Variants in HSP90AB1 observed in about 807,000 individuals in gnomAD.
The protein encoded by HSP90AB1 is heat shock protein HSP 90-beta.
A neutral mutation model predicts 67.8 loss-of-function variants in HSP90AB1; 17 were observed. The observed-to-expected ratio is 0.25, with a 90% CI of 0.17 to 0.38. The LOEUF (loss-of-function observed/expected upper bound fraction) is 0.38. Among genes scored for constraint, HSP90AB1 ranks in the 10% least tolerant of loss-of-function variants. The pLI is 1.00. For synonymous variants in HSP90AB1, 390 were observed against 312.9 expected, an observed-to-expected ratio of 1.25 and a Z score of -2.60; for missense variants, 690 against 899.9, an observed-to-expected ratio of 0.77 and a Z score of 2.98.
In HSP90AB1 at chr6:44,249,727, C is replaced by T; in HGVS notation, c.407C>T (p.Ala136Val). Residue 136 changes from alanine to valine, a missense_variant, in exon 4 of 12, where the codon GCC becomes GTC. Ala to Val is a moderately conservative substitution (Grantham distance 64). Around this residue, in one of 7 missense-constraint regions of HSP90AB1, gnomAD observed 88 missense variants for 167.7 expected, o/e 0.52. Transcript: ENST00000371646. The part of the protein sequence containing the change: ...IGQFGVGFYS[A>V]YLVAEKVVVI... Reference sequence around the variant, plus strand: ...CAGTTTGGTGTTGGCTTTTATTCTGCCTACTTGGTGGCAGAGAAAGTGGTT... The same window carrying T: ...CAGTTTGGTGTTGGCTTTTATTCTGTCTACTTGGTGGCAGAGAAAGTGGTT... 2 of 1,614,020 alleles carry T rather than the reference C, an allele frequency of 1.2e-6. No homozygotes were observed. Among genetic ancestry groups the T allele is most frequent in the East Asian group, 2.2e-5 (1 of 44,874 alleles).
At chr6:44,249,859 G>T in intron 4 of HSP90AB1, 25 bp downstream of exon 4, 3 of 1,599,650 alleles carry the variant, frequency 1.9e-6, no homozygotes, top group Non-Finnish European at 2.6e-6. Context: ...CTGTTACAAG[G>T]TAGTTGGGTT....
intron 2 of HSP90AB1, among the ~76,000 whole-genome samples, chr6:44,248,996 T>TA (rs1744815172): frequency 6.6e-6 from 1 of 152,122 alleles, no homozygotes; most frequent in African/African-American, 2.4e-5. Context: ...AGCCTCAAGA[T>TA]AGGGGGCAAT....
Position 44,249,509 on chromosome 6 carries a change from A to AC in HSP90AB1, c.282dup (p.Lys95GlnfsTer3). 1 of 1,614,184 alleles carries AC rather than the reference A, an allele frequency of 6.2e-7. No individual in the cohort carries two copies. ...TTTGGTAGACACAGGCATTGGCATG[A>AC]CCAAAGCTGATCTCATAAATAATTT... On this transcript the variant is annotated frameshift_variant, in exon 3 of 12. Transcript: ENST00000371646. LOFTEE classifies it high-confidence loss of function.
intron 10 of HSP90AB1, among the ~76,000 whole-genome samples, chr6:44,252,712 G>A (rs1198543526): frequency 2.0e-5 from 3 of 151,924 alleles, no homozygotes; most frequent in South Asian, 2.1e-4. Context: ...TAGCCAGGAT[G>A]GTCTCCATCT....
Position 44,249,732 on chromosome 6 carries a change from TTGG to T in HSP90AB1, c.416_418del (p.Val139del). 1 of 1,613,972 alleles carries T rather than the reference TTGG, an allele frequency of 6.2e-7. No individual in the cohort carries two copies. Among genetic ancestry groups the T allele is most frequent in the Non-Finnish European group, 8.5e-7 (1 of 1,179,850 alleles). ...TGGTGTTGGCTTTTATTCTGCCTAC[TTGG>T]TGGCAGAGAAAGTGGTTGTGATCAC... On this transcript the variant is annotated inframe_deletion, in exon 4 of 12. Coordinates refer to ENST00000371646, the MANE Select transcript of HSP90AB1 (RefSeq NM_007355.4).
At chr6:44,249,250 G>A in intron 2 of HSP90AB1, 127 bp from the exon 3 acceptor site, 1 of 711,076 alleles carries the variant, frequency 1.4e-6, no homozygotes, top group Non-Finnish European at 2.4e-6. Flanking sequence ...GGGTTGGGAG[G>A]ATGGCTCGAA....
At chr6:44,252,997 T>C in intron 10 of HSP90AB1, 48 bp from the exon 11 acceptor site, 1 of 1,500,022 alleles carries the variant, frequency 6.7e-7, no homozygotes. Flanking sequence ...GCCTGTTTTC[T>C]CTTTCAAAGT....
In HSP90AB1 at chr6:44,248,536, C is replaced by A. The variant is rs200244639; in HGVS notation, c.1-94C>A. 275 of 1,167,994 alleles carry A rather than the reference C, an allele frequency of 2.4e-4. 2 individuals are homozygous for A. In the East Asian group the frequency reaches 5.8e-3, roughly 25 times the overall value. 72.4% of individuals were successfully genotyped at this position (1,167,994 alleles called of 1,614,324 possible). On this transcript the variant is annotated intron_variant, in intron 1 of 11. Coordinates refer to ENST00000371646, the MANE Select transcript of HSP90AB1 (RefSeq NM_007355.4). ...TACTCCGGTTAAACCAGTCTGAACT[C>A]ACTGTCTAAGGTCCTAACAAATGAT...
chr6:44,251,381 G>GT (rs748708590), intron 7 of HSP90AB1, 37 bp from the exon 8 acceptor site: 19 of 1,586,414 alleles, frequency 1.2e-5, no homozygotes, highest in Non-Finnish European at 1.6e-5. Flanking sequence ...TGGTCTAGCT[G>GT]TTTTTTACTG....
chr6:44,250,654 T>A, intron 6 of HSP90AB1, 55 bp downstream of exon 6: 2 of 862,732 alleles, frequency 2.3e-6, no homozygotes, highest in South Asian at 1.5e-5. Context: ...AGGAATGAGT[T>A]AGGTGGAAGA....
intron 6 of HSP90AB1, 102 bp downstream of exon 6, chr6:44,250,701 A>C (rs770610114): frequency 2.1e-4 from 149 of 702,036 alleles, no homozygotes; most frequent in Non-Finnish European, 3.4e-4. Flanking sequence ...TGTCCAACTG[A>C]TAACAGAAAT....
chr6:44,250,160 TA>T lies in HSP90AB1; in HGVS notation c.648+7del. ...GCTATCCCATCACCCTTTATGTGAG[TA>T]TGGACTTTTAAATCTTTTACACTTA... On this transcript the variant is annotated splice_region_variant and intron_variant, in intron 5 of 11. Coordinates refer to ENST00000371646, the MANE Select transcript of HSP90AB1 (RefSeq NM_007355.4). 1 of 1,614,052 alleles carries T rather than the reference TA, an allele frequency of 6.2e-7. No homozygotes were observed. Among genetic ancestry groups the T allele is most frequent in the Non-Finnish European group, 8.5e-7 (1 of 1,179,984 alleles).
chr6:44,247,576 C>G (rs3757285), intron 1 of HSP90AB1, among the ~76,000 whole-genome samples: 12,783 of 152,260 alleles, frequency 0.084, 804 homozygotes, highest in East Asian at 0.3. Flanking sequence ...GGTGCCCGCT[C>G]GGGTGACTCA....
intron 8 of HSP90AB1, 25 bp downstream of exon 8, chr6:44,251,633 C>T (rs1205225529): frequency 3.2e-6 from 5 of 1,586,296 alleles, no homozygotes; most frequent in Admixed American, 1.8e-5. Flanking sequence ...AATGCTTATT[C>T]CCTTTACCAC....
rs900527662 is a variant in HSP90AB1, at chr6:44,250,365, T to C, written c.723T>C (p.Asp241=). Residue 241 remains aspartate, a synonymous_variant, in exon 6 of 12, where the codon GAT becomes GAC. Coordinates refer to ENST00000371646, the MANE Select transcript of HSP90AB1 (RefSeq NM_007355.4). ...AGAAAGGTGAGAAAGAAGAGGAAGA[T>C]AAAGATGATGAAGAAAAACCCAAGA... ...EEEKGEKEEE[D]KDDEEKPKIE... 2 of 1,613,402 alleles carry C rather than the reference T, an allele frequency of 1.2e-6. No homozygotes were observed. The highest frequency in any genetic ancestry group is 1.7e-5 in the Admixed American group (1 of 59,902).
In HSP90AB1 at chr6:44,251,594, T is replaced by G; in HGVS notation, c.1300T>G (p.Ser434Ala). 6.2e-7 allele frequency: 1 copy of G among 1,602,698 alleles called. No homozygotes were observed. The highest frequency in any genetic ancestry group is 8.5e-7 in the Non-Finnish European group (1 of 1,172,968). Residue 434 changes from serine (S) to alanine (A), a missense_variant, in exon 8 of 12, where the codon TCT becomes GCT. Coordinates refer to ENST00000371646, the MANE Select transcript of HSP90AB1 (RefSeq NM_007355.4). ...TTACAAGAAATTCTATGAGGCATTCTCTAAAAATCTCAAGGTAAAAAGGCA... is the reference window on the plus strand; with the variant it reads ...TTACAAGAAATTCTATGAGGCATTCGCTAAAAATCTCAAGGTAAAAAGGCA... The part of the protein sequence containing the change: ...ENYKKFYEAF[S>A]KNLKLGIHED...
chr6:44,252,386 G>A, intron 10 of HSP90AB1, 119 bp downstream of exon 10: 1 of 906,180 alleles, frequency 1.1e-6, no homozygotes, highest in Non-Finnish European at 1.7e-6. Context: ...ATGCCTTCTT[G>A]CCTCTTGTTC....
At chr6:44,249,055 G>T (rs1018288940) in intron 2 of HSP90AB1, among the ~76,000 whole-genome samples, 1 of 152,182 alleles carries the variant, frequency 6.6e-6, no homozygotes, top group African/African-American at 2.4e-5. Context: ...TGAAGATACG[G>T]GCTTTAAGAA....
intron 6 of HSP90AB1, 142 bp downstream of exon 6, chr6:44,250,741 T>A: frequency 3.1e-6 from 2 of 640,506 alleles, no homozygotes; most frequent in South Asian, 3.9e-5. Context: ...ACTTACTGAT[T>A]ACCCTGTCAT....
Sources: allele counts gnomAD v4.1 joint callset (sites outside exome capture counted in the v4.1 genomes callset), GRCh38; gene constraint gnomAD v4.1.1; regional missense constraint gnomAD v4.1.1; transcripts MANE v1.5; gene names NCBI Gene and HGNC (gene_info 2026-07-23, HGNC 2026-07-21).